The following LRRC4C variants were observed in gnomAD, a reference collection of about 807,000 sequenced individuals.
LRRC4C encodes leucine-rich repeat-containing protein 4C.
Under a neutral mutation model 33.6 loss-of-function variants are expected in LRRC4C, and 5 were observed. The observed-to-expected ratio is 0.15, with a 90% CI of 0.08 to 0.31. LRRC4C has a LOEUF of 0.31. LRRC4C is among the 10% of genes least tolerant of loss of function. The pLI, the probability that LRRC4C is intolerant of heterozygous loss-of-function variation, is 1.00. For missense variants in LRRC4C, 560 were observed against 796.7 expected, an observed-to-expected ratio of 0.70 and a Z score of 3.58; for synonymous variants, 329 against 302.0, an observed-to-expected ratio of 1.09 and a Z score of -0.93.
chr11:41,373,893 CTT>C (rs1344566691), intron 1 of LRRC4C, among the ~76,000 whole-genome samples: 1 of 152,080 alleles, frequency 6.6e-6, no homozygotes, highest in African/African-American at 2.4e-5. Context: ...TTAAATATTG[CTT>C]TTGAATGTTG....
chr11:40,844,945 CT>C (rs903967979), intron 2 of LRRC4C, among the ~76,000 whole-genome samples: 1 of 151,456 alleles, frequency 6.6e-6, no homozygotes, highest in East Asian at 2.0e-4. Context: ...TCTTTTTGTC[CT>C]TTTTTTTAAT....
chr11:41,224,606 C>T (rs1283701416), intron 1 of LRRC4C, among the ~76,000 whole-genome samples: 1 of 152,136 alleles, frequency 6.6e-6, no homozygotes, highest in African/African-American at 2.4e-5. Context: ...CCAATGACTC[C>T]TTTAATCACA....
At chr11:40,942,530 TG>T (rs1592146975) in intron 1 of LRRC4C, among the ~76,000 whole-genome samples, 1 of 151,788 alleles carries the variant, frequency 6.6e-6, no homozygotes, top group East Asian at 1.9e-4. Context: ...ACATGGTGAG[TG>T]TGGGGGCGTT....
chr11:41,172,893 G>A (rs1945036854), intron 1 of LRRC4C, among the ~76,000 whole-genome samples: 1 of 152,020 alleles, frequency 6.6e-6, no homozygotes, highest in Non-Finnish European at 1.5e-5. Context: ...AATGGAAGGG[G>A]CCTTAGATAT....
Position 40,198,122 on chromosome 11 carries a change from T to C in LRRC4C, c.-96+43397A>G, listed in dbSNP as rs1457556784. ...GGAAGGGATTTTAGAGCAGGCATCA[T>C]TGATTATATAAATGAAGCAGGAAGA... On this transcript the variant is annotated intron_variant, in intron 5 of 6. Transcript: ENST00000528697. Among the ~76,000 whole-genome samples, 4 of 152,198 alleles carry C rather than the reference T, an allele frequency of 2.6e-5. No individual in the cohort carries two copies. The East Asian group carries it at 5.8e-4, about 22-fold the overall frequency.
At chr11:41,373,210 C>A (rs1050844823) in intron 1 of LRRC4C, among the ~76,000 whole-genome samples, 1 of 151,838 alleles carries the variant, frequency 6.6e-6, no homozygotes, top group Non-Finnish European at 1.5e-5. Context: ...ATATTGTATC[C>A]TTTTTTTCAG....
At chr11:41,390,066 C>A (rs1953529127) in intron 1 of LRRC4C, among the ~76,000 whole-genome samples, 1 of 151,806 alleles carries the variant, frequency 6.6e-6, no homozygotes, top group African/African-American at 2.4e-5. Flanking sequence ...CCAGAACTTG[C>A]ATTTTAAAAT....
chr11:40,695,383 G>C (rs573857710), intron 2 of LRRC4C, among the ~76,000 whole-genome samples: 1 of 152,108 alleles, frequency 6.6e-6, no homozygotes, highest in Non-Finnish European at 1.5e-5. Flanking sequence ...GAAAGGCAGA[G>C]ACCTCATCTC....
intron 1 of LRRC4C, among the ~76,000 whole-genome samples, chr11:41,332,702 C>A (rs1951333361): frequency 6.6e-6 from 1 of 152,180 alleles, no homozygotes; most frequent in South Asian, 2.1e-4. Flanking sequence ...ACAATGGTAT[C>A]TTTCACTTGT....
At chr11:40,716,139 C>T (rs954338911) in intron 2 of LRRC4C, among the ~76,000 whole-genome samples, 1 of 151,656 alleles carries the variant, frequency 6.6e-6, no homozygotes, top group African/African-American at 2.4e-5. Flanking sequence ...AATTCAAATG[C>T]CACTCAAATA....
At chr11:40,709,249 G>T (rs187503651) in intron 2 of LRRC4C, among the ~76,000 whole-genome samples, 2 of 152,274 alleles carry the variant, frequency 1.3e-5, no homozygotes, top group Admixed American at 1.3e-4. Flanking sequence ...CCGTCATTAT[G>T]ATGTTAGCTG....
At chr11:41,200,992 T>G in intron 1 of LRRC4C, among the ~76,000 whole-genome samples, 1 of 152,192 alleles carries the variant, frequency 6.6e-6, no homozygotes, top group Admixed American at 6.5e-5. Flanking sequence ...GCATTTTATA[T>G]AGCAGGCACC....
intron 2 of LRRC4C, among the ~76,000 whole-genome samples, chr11:40,693,059 T>A (rs1945301815): frequency 6.6e-6 from 1 of 152,052 alleles, no homozygotes; most frequent in Non-Finnish European, 1.5e-5. Context: ...ATATAATCTC[T>A]GGGATACACT....
At chr11:41,339,644 C>T (rs564917460) in intron 1 of LRRC4C, among the ~76,000 whole-genome samples, 1 of 151,986 alleles carries the variant, frequency 6.6e-6, no homozygotes, top group African/African-American at 2.4e-5. Context: ...ATGACTCAAA[C>T]GCATTTAAAA....
At chr11:40,603,142 C>T (rs534535173) in intron 3 of LRRC4C, among the ~76,000 whole-genome samples, 23 of 152,276 alleles carry the variant, frequency 1.5e-4, no homozygotes, top group South Asian at 1.5e-3. Context: ...AGGACAATTA[C>T]TCACAATGCA....
chr11:40,337,228 A>T (rs1252919058), intron 3 of LRRC4C, among the ~76,000 whole-genome samples: 1 of 152,190 alleles, frequency 6.6e-6, no homozygotes, highest in Admixed American at 6.5e-5. Context: ...GGAACTGAGT[A>T]AAAAATGTGT....
At chr11:41,375,208 G>A (rs1038512180) in intron 1 of LRRC4C, among the ~76,000 whole-genome samples, 2 of 152,028 alleles carry the variant, frequency 1.3e-5, no homozygotes, top group East Asian at 3.9e-4. Flanking sequence ...AAATCTGTGT[G>A]ACAGGGTTAA....
intron 1 of LRRC4C, among the ~76,000 whole-genome samples, chr11:40,991,248 TAATA>T (rs1415226717): frequency 3.4e-5 from 5 of 147,016 alleles, no homozygotes; most frequent in African/African-American, 7.5e-5. Context: ...GTGACAGCAT[TAATA>T]AATGTGATTT....
chr11:40,473,515 T>A (rs561821305), intron 3 of LRRC4C, among the ~76,000 whole-genome samples: 1 of 152,036 alleles, frequency 6.6e-6, no homozygotes, highest in African/African-American at 2.4e-5. Flanking sequence ...GGCAAAAAAC[T>A]GGAAGCATTC....
Sources: gnomAD v4.1 joint callset for allele counts (sites outside exome capture counted in the v4.1 genomes callset) on GRCh38, gnomAD v4.1.1 for gene constraint, MANE v1.5 for transcripts, NCBI Gene and HGNC (gene_info 2026-07-23, HGNC 2026-07-21) for gene names.